The following ARID1A variants were observed in gnomAD, a reference collection of about 807,000 sequenced individuals.
ARID1A encodes AT-rich interaction domain 1A.
ARID1A carries 20 observed loss-of-function variants against 212.6 expected under a neutral mutation model. The ratio of observed to expected loss-of-function variants is 0.09; its 90% CI spans 0.07 to 0.14. The LOEUF is 0.14. Among genes scored for constraint, ARID1A ranks in the 10% least tolerant of loss-of-function variants. ARID1A has a pLI of 1.00. For synonymous variants in ARID1A, 1,376 were observed against 1,222.1 expected, an observed-to-expected ratio of 1.13 and a Z score of -2.63; for missense variants, 2,587 against 3,059.0, an observed-to-expected ratio of 0.85 and a Z score of 3.64.
chr1:26,768,411 T>A (rs1250827688), intron 11 of ARID1A, among the ~76,000 whole-genome samples: 1 of 152,242 alleles, frequency 6.6e-6, no homozygotes, highest in Non-Finnish European at 1.5e-5. Flanking sequence ...ATTTCATTAT[T>A]TGTAAAATAC....
intron 4 of ARID1A, among the ~76,000 whole-genome samples, chr1:26,755,925 A>T (rs1485009775): frequency 6.6e-6 from 1 of 151,684 alleles, no homozygotes; most frequent in East Asian, 1.9e-4. Context: ...TTGTGTTTTT[A>T]GTAGAGACAG....
intron 1 of ARID1A, among the ~76,000 whole-genome samples, chr1:26,708,249 T>C (rs2080413079): frequency 7.2e-6 from 1 of 138,588 alleles, no homozygotes; most frequent in Non-Finnish European, 1.5e-5. Flanking sequence ...ATTCAGCCTT[T>C]AAGATACAGT....
At chr1:26,704,372 C>T (rs920534146) in intron 1 of ARID1A, among the ~76,000 whole-genome samples, 2 of 152,148 alleles carry the variant, frequency 1.3e-5, no homozygotes, top group Non-Finnish European at 2.9e-5. Flanking sequence ...TCTGTCTTGG[C>T]AGAGTTAGTT....
At chr1:26,737,556 T>C (rs1350335146) in intron 4 of ARID1A, among the ~76,000 whole-genome samples, 1 of 151,546 alleles carries the variant, frequency 6.6e-6, no homozygotes, top group East Asian at 1.9e-4. Context: ...CCCAGGGGAG[T>C]GTATTATCTT....
intron 3 of ARID1A, among the ~76,000 whole-genome samples, chr1:26,732,461 C>T (rs2124791830): frequency 6.6e-6 from 1 of 152,306 alleles, no homozygotes; most frequent in African/African-American, 2.4e-5. Context: ...CCTCTGTAGG[C>T]AGCAATAAAT....
intron 1 of ARID1A, among the ~76,000 whole-genome samples, chr1:26,724,362 G>A (rs532957412): frequency 3.9e-5 from 6 of 152,204 alleles, no homozygotes; most frequent in Non-Finnish European, 7.4e-5. Context: ...TAGGGTTGCC[G>A]CCTGGTCACT....
intron 4 of ARID1A, among the ~76,000 whole-genome samples, chr1:26,733,777 C>G (rs753936823): frequency 4.6e-5 from 7 of 152,174 alleles, no homozygotes; most frequent in African/African-American, 1.7e-4. Flanking sequence ...CAGCCACATA[C>G]CCAGATAAGA....
rs2081080910 is a variant in ARID1A, at chr1:26,771,303, C to T, written c.3383C>T (p.Pro1128Leu). Residue 1128 changes from proline to leucine, a missense_variant, in exon 12 of 20, where the codon CCC (proline) becomes CTC (leucine). By Grantham distance (98) the Pro-to-Leu change is moderately conservative (BLOSUM62 -3). Transcript: ENST00000324856. The surrounding 1 kb of genome is among the most constrained non-coding windows in gnomAD (Gnocchi z 5.4). Reference protein sequence around the residue: ...FAAADSKKSQPKIQPPSPAGS... With the variant: ...FAAADSKKSQLKIQPPSPAGS... ...GCTGCTGATTCCAAGAAGTCCCAGC[C>T]CAAGATCCAGCCTCCCTCTCCTGGT... 6.2e-7 allele frequency: 1 copy of T among 1,614,038 alleles called. No individual in the cohort carries two copies. The highest frequency in any genetic ancestry group is 1.3e-5 in the African/African-American group (1 of 74,920).
Position 26,771,875 on chromosome 1 carries a change from A to C in ARID1A, c.3406+549A>C. Reference sequence around the variant, plus strand: ...CAGGGTGCCTGGAAGGTGGGTGTAAACACATGTGCCCTGGTGTTGACCTCT... The same window carrying C: ...CAGGGTGCCTGGAAGGTGGGTGTAACCACATGTGCCCTGGTGTTGACCTCT... On this transcript the variant is annotated intron_variant, in intron 12 of 19. Coordinates refer to ENST00000324856, the MANE Select transcript of ARID1A (RefSeq NM_006015.6). This position sits in a 1 kb window ranked among gnomAD's most constrained non-coding sequence, Gnocchi z 5.4. The C allele has an allele frequency of 6.0e-6, 1 of 167,566 alleles. No individual in the cohort carries two copies. Among genetic ancestry groups the C allele is most frequent in the Non-Finnish European group, 1.3e-5 (1 of 77,092 alleles). The allele number at this position is 167,566 out of a possible 1,614,324, so 10.4% of individuals were successfully genotyped here.
chr1:26,696,883 C>T lies in ARID1A; in HGVS notation c.480C>T (p.Ala160=), dbSNP rs775784171. The change falls in exon 1 of 20, where the codon GCC becomes GCT. Residue 160 remains alanine, a synonymous_variant. Coordinates refer to ENST00000324856, the MANE Select transcript of ARID1A (RefSeq NM_006015.6). ...FGQPYGRSPS[A]VAAAAAAVFH... ...AACCCTACGGCCGGAGCCCGTCTGC[C>T]GTCGCCGCCGCCGCGGCCGCCGTCT... 15 of 1,361,876 alleles carry T rather than the reference C, an allele frequency of 1.1e-5. No homozygotes were observed. Among genetic ancestry groups the T allele is most frequent in the Middle Eastern group, 2.0e-4 (1 of 5,050 alleles). The allele number at this position is 1,361,876 out of a possible 1,614,324, so 84.4% of individuals were successfully genotyped here. A position where few individuals can be genotyped will look rare whatever the true frequency, so the allele number is the denominator to read the frequency against.
At chr1:26,742,187 A>G (rs1352567317) in intron 4 of ARID1A, among the ~76,000 whole-genome samples, 1 of 152,154 alleles carries the variant, frequency 6.6e-6, no homozygotes. Flanking sequence ...GCCATTTAGC[A>G]TTTGCTAGAC....
Position 26,774,642 on chromosome 1 carries a change from C to T in ARID1A, c.4415C>T (p.Ala1472Val), listed in dbSNP as rs2124119244. 1 of 1,614,236 alleles carries T rather than the reference C, an allele frequency of 6.2e-7. No individual in the cohort carries two copies. The highest frequency in any genetic ancestry group is 1.6e-4 in the Middle Eastern group (1 of 6,062). ...GTCTCTGCACCCCCTGGCACCAATG[C>T]CCAGCAAAACATGCCACCACAAATG... The part of the protein sequence containing the change: ...DRVSAPPGTN[A>V]QQNMPPQMMG... Residue 1472 changes from alanine (A) to valine (V), a missense_variant, in exon 18 of 20, where the codon GCC (alanine) becomes GTC (valine). Ala to Val is a moderately conservative substitution (Grantham distance 64). This residue lies in a region of ARID1A where 890 missense variants were observed against 1,098.2 expected (regional missense o/e 0.81). Transcript: ENST00000324856. The surrounding 1 kb of genome is among the most constrained non-coding windows in gnomAD (Gnocchi z 5.6).
intron 1 of ARID1A, among the ~76,000 whole-genome samples, chr1:26,704,817 C>T (rs1268922770): frequency 6.6e-6 from 1 of 151,610 alleles, no homozygotes; most frequent in Non-Finnish European, 1.5e-5. Flanking sequence ...CATGATTACG[C>T]CAGTGCACTC....
At chr1:26,747,301 A>T (rs115325154) in intron 4 of ARID1A, among the ~76,000 whole-genome samples, 77 of 152,300 alleles carry the variant, frequency 5.1e-4, no homozygotes, top group African/African-American at 1.9e-3. Context: ...GATTGCCTTG[A>T]GGCAGAGCTT....
At chr1:26,770,915 T>C (rs946845029) in intron 11 of ARID1A, 4 of 587,370 alleles carry the variant, frequency 6.8e-6, no homozygotes, top group Admixed American at 6.2e-5. Flanking sequence ...ATAGTTGCAG[T>C]GGAACATCCT....
chr1:26,729,567 A>C, intron 1 of ARID1A, 84 bp from the exon 2 acceptor site: 1 of 1,485,710 alleles, frequency 6.7e-7, no homozygotes, highest in African/African-American at 1.4e-5. Flanking sequence ...CATACAGACT[A>C]AAAAAACCTG....
intron 4 of ARID1A, among the ~76,000 whole-genome samples, chr1:26,755,979 G>A (rs1440892338): frequency 3.3e-5 from 5 of 151,960 alleles, no homozygotes; most frequent in Admixed American, 1.3e-4. Flanking sequence ...TCCTGACCTC[G>A]TGATCCTCCT....
rs1375433556 is a variant in ARID1A, at chr1:26,774,748, T to G, written c.4521T>G (p.Asn1507Lys). 1 of 1,614,194 alleles carries G rather than the reference T, an allele frequency of 6.2e-7. No individual in the cohort carries two copies. ...MWQGRNDMTY[N>K]YANRQSTGSA... ...AGGGGCGTAATGACATGACCTATAA[T>G]TATGCCAACAGGCAGAGCACGGGCT... The change falls in exon 18 of 20, where the codon AAT becomes AAG. Residue 1507 changes from asparagine to lysine, a missense_variant. By Grantham distance (94) the Asn-to-Lys change is moderately conservative. Transcript: ENST00000324856. The surrounding 1 kb of genome is among the most constrained non-coding windows in gnomAD (Gnocchi z 5.6).
intron 1 of ARID1A, among the ~76,000 whole-genome samples, chr1:26,707,103 A>G (rs2080399653): frequency 6.6e-6 from 1 of 150,576 alleles, no homozygotes; most frequent in African/African-American, 2.4e-5. Context: ...GGGCAATTTC[A>G]GCTCACTGCA....
Sources: gnomAD v4.1 joint callset for allele counts (sites outside exome capture counted in the v4.1 genomes callset) on GRCh38, gnomAD v4.1.1 for gene constraint, gnomAD v4.1.1 regional missense constraint, Gnocchi (gnomAD v3.1) non-coding constraint, MANE v1.5 for transcripts, NCBI Gene and HGNC (gene_info 2026-07-23, HGNC 2026-07-21) for gene names.